The following KIAA1217 variants were observed in gnomAD, a reference collection of about 807,000 sequenced individuals.
KIAA1217 encodes the protein KIAA1217.
Under a neutral mutation model 163.9 loss-of-function variants are expected in KIAA1217, and 88 were observed. The ratio of observed to expected loss-of-function variants is 0.54; its 90% CI spans 0.45 to 0.64. The LOEUF (loss-of-function observed/expected upper bound fraction) is 0.64. Among genes scored for constraint, KIAA1217 ranks in the 30% least tolerant of loss-of-function variants. The pLI, the probability that KIAA1217 is intolerant of heterozygous loss-of-function variation, is 0.00. For synonymous variants in KIAA1217, 903 were observed against 923.1 expected (o/e 0.98, Z 0.39); for missense variants, 2,372 against 2,475.0 (o/e 0.96, Z 0.88).
chr10:23,768,300 T>C (rs192642741), intron 1 of KIAA1217, among the ~76,000 whole-genome samples: 123 of 152,172 alleles, frequency 8.1e-4, no homozygotes, highest in African/African-American at 2.8e-3. Context: ...CTGGACACAG[T>C]GACTTTGGAA....
intron 9 of KIAA1217, among the ~76,000 whole-genome samples, chr10:24,502,341 A>T (rs1167330834): frequency 6.7e-6 from 1 of 149,860 alleles, no homozygotes; most frequent in South Asian, 2.1e-4. Context: ...AAAAAAAGCC[A>T]TCATGGTGAT....
At chr10:23,824,480 T>C (rs1837774582) in intron 1 of KIAA1217, among the ~76,000 whole-genome samples, 1 of 146,802 alleles carries the variant, frequency 6.8e-6, no homozygotes, top group Non-Finnish European at 1.5e-5. Flanking sequence ...ATACAAAAAT[T>C]AGCTCAGCAT....
intron 2 of KIAA1217, among the ~76,000 whole-genome samples, chr10:24,095,131 A>G (rs1225896921): frequency 6.6e-6 from 1 of 152,170 alleles, no homozygotes; most frequent in East Asian, 1.9e-4. Context: ...TCCAGGTGCC[A>G]TCTGTCACCC....
chr10:24,355,728 CTTTTTTTTTTTTTTTTTTTTT>C lies in KIAA1217; in HGVS notation c.355-25123_355-25103del, dbSNP rs869211148. Among the ~76,000 whole-genome samples, 16 of 32,220 alleles carry C rather than the reference CTTTTTTTTTTTTTTTTTTTTT, an allele frequency of 5.0e-4. 1 individual carries two copies. In the East Asian group the frequency reaches 0.011, roughly 22 times the overall value. 21.1% of individuals were successfully genotyped at this position (32,220 alleles called of 152,430 possible). The stretch of plus-strand genomic sequence containing the variant: ...GAGATGAGCATAGCAAGTCCTCACT[CTTTTTTTTTTTTTTTTTTTTT>C]TTTTTTTTTTTTTTTTTGAGACAGA... On this transcript the variant is annotated intron_variant, in intron 2 of 20. Coordinates refer to ENST00000376454, the MANE Select transcript of KIAA1217 (RefSeq NM_019590.5).
intron 2 of KIAA1217, among the ~76,000 whole-genome samples, chr10:24,019,396 C>CA (rs34548705): frequency 0.49 from 74,462 of 150,528 alleles, 19,597 homozygotes; most frequent in Middle Eastern, 0.64. Context: ...TTAAGGAATG[C>CA]AAAAAAAATT....
intron 2 of KIAA1217, among the ~76,000 whole-genome samples, chr10:24,039,881 C>T (rs1355495136): frequency 6.6e-6 from 1 of 152,002 alleles, no homozygotes. Context: ...CTGGAGAACC[C>T]TGACTAGTAC....
At chr10:23,857,559 G>A (rs1243003146) in intron 1 of KIAA1217, among the ~76,000 whole-genome samples, 1 of 152,156 alleles carries the variant, frequency 6.6e-6, no homozygotes, top group African/African-American at 2.4e-5. Context: ...ACAATCATCT[G>A]GAGAATGACA....
chr10:23,697,881 A>G (rs1180883302), intron 1 of KIAA1217, among the ~76,000 whole-genome samples: 1 of 152,054 alleles, frequency 6.6e-6, no homozygotes, highest in Admixed American at 6.6e-5. Context: ...TGTCTCAAAA[A>G]AAAAAAAAAG....
At chr10:24,205,277 T>C (rs1470319161), upstream of KIAA1217, among the ~76,000 whole-genome samples, 10 of 115,294 alleles carry the variant, frequency 8.7e-5, no homozygotes, top group Admixed American at 5.1e-4. Context: ...GCCAATGTGG[T>C]GAAACCCCGT....
chr10:24,503,674 A>T (rs2067968066), intron 9 of KIAA1217, among the ~76,000 whole-genome samples: 1 of 152,224 alleles, frequency 6.6e-6, no homozygotes, highest in Admixed American at 6.5e-5. Flanking sequence ...CGCCATTTAA[A>T]AATGTTGGAA....
chr10:24,511,732 G>A (rs1010966364), intron 9 of KIAA1217, among the ~76,000 whole-genome samples: 2 of 152,128 alleles, frequency 1.3e-5, no homozygotes, highest in African/African-American at 4.8e-5. Flanking sequence ...AAAGACATTA[G>A]CAAAAGTGGT....
At chr10:23,827,875 C>T (rs1288266985) in intron 1 of KIAA1217, among the ~76,000 whole-genome samples, 1 of 151,980 alleles carries the variant, frequency 6.6e-6, no homozygotes, top group Non-Finnish European at 1.5e-5. Flanking sequence ...GGGTGACTTC[C>T]CCTGGGGGGA....
chr10:23,719,568 G>A (rs1025165760), intron 1 of KIAA1217, among the ~76,000 whole-genome samples: 6 of 142,164 alleles, frequency 4.2e-5, no homozygotes, highest in South Asian at 2.2e-4. Flanking sequence ...GTGACAAAGC[G>A]AGACCCCCTT....
chr10:24,093,889 G>A (rs936610158), intron 2 of KIAA1217, among the ~76,000 whole-genome samples: 4 of 146,160 alleles, frequency 2.7e-5, no homozygotes, highest in Non-Finnish European at 5.9e-5. Context: ...TTATGACTGA[G>A]AATATGCGGT....
At chr10:24,280,913 G>A (rs760058166) in intron 2 of KIAA1217, among the ~76,000 whole-genome samples, 1 of 152,066 alleles carries the variant, frequency 6.6e-6, no homozygotes, top group Non-Finnish European at 1.5e-5. Flanking sequence ...AGAGAAAGTT[G>A]GGTTTATATT....
At chr10:23,751,002 C>G (rs1839705275) in intron 1 of KIAA1217, among the ~76,000 whole-genome samples, 1 of 148,804 alleles carries the variant, frequency 6.7e-6, no homozygotes, top group Non-Finnish European at 1.5e-5. Context: ...CTTCCCTTCC[C>G]TTTGTTTTTT....
chr10:24,150,806 A>G (rs1006180059), intron 2 of KIAA1217, among the ~76,000 whole-genome samples: 1 of 152,156 alleles, frequency 6.6e-6, no homozygotes, highest in Non-Finnish European at 1.5e-5. Context: ...ATTATCTGAT[A>G]GAGCTGAAGT....
At chr10:24,272,051 G>C (rs960794941) in intron 2 of KIAA1217, among the ~76,000 whole-genome samples, 1 of 152,066 alleles carries the variant, frequency 6.6e-6, no homozygotes, top group Non-Finnish European at 1.5e-5. Context: ...GGGTGGACTC[G>C]GGAGACAACC....
chr10:24,212,827 G>T (rs2068315721), intron 1 of KIAA1217, among the ~76,000 whole-genome samples: 1 of 152,156 alleles, frequency 6.6e-6, no homozygotes, highest in African/African-American at 2.4e-5. Flanking sequence ...TGCATTTCCA[G>T]CACCTAACAG....
Sources: gnomAD v4.1 joint callset for allele counts (sites outside exome capture counted in the v4.1 genomes callset) on GRCh38, gnomAD v4.1.1 for gene constraint, MANE v1.5 for transcripts, NCBI Gene and HGNC (gene_info 2026-07-23, HGNC 2026-07-21) for gene names.